CNIH3: variants seen among roughly 807,000 people sequenced by gnomAD.
The protein encoded by CNIH3 is cornichon family AMPA receptor auxiliary protein 3.
CNIH3 carries 14 observed loss-of-function variants against 24.1 expected under a neutral mutation model. That is an observed-to-expected ratio of 0.58 (90% CI 0.38 to 0.91). CNIH3 has a LOEUF of 0.91. Ranked by LOEUF, CNIH3 falls within the 40% of genes least tolerant of loss-of-function variation. CNIH3 has a pLI of 0.00. For synonymous variants in CNIH3, 68 were observed against 73.8 expected, an observed-to-expected ratio of 0.92 and a Z score of 0.40; for missense variants, 178 against 196.8, an observed-to-expected ratio of 0.90 and a Z score of 0.57.
At chr1:224,698,372 A>G (rs942465450) in intron 3 of CNIH3, among the ~76,000 whole-genome samples, 1 of 152,232 alleles carries the variant, frequency 6.6e-6, no homozygotes, top group Non-Finnish European at 1.5e-5. Context: ...ACACGCAGCA[A>G]GAACAGCTCT....
At chr1:224,511,395 C>T (rs1045303803), upstream of CNIH3, among the ~76,000 whole-genome samples, 4 of 152,222 alleles carry the variant, frequency 2.6e-5, no homozygotes, top group African/African-American at 9.7e-5. Flanking sequence ...ACAAAAGCCA[C>T]TATGTAAATA....
At chr1:224,695,452 G>A (rs931817000) in intron 3 of CNIH3, among the ~76,000 whole-genome samples, 3 of 151,860 alleles carry the variant, frequency 2.0e-5, no homozygotes, top group Non-Finnish European at 4.4e-5. Flanking sequence ...CTCAATTCTG[G>A]TAAGTTCAGG....
chr1:224,462,246 G>A (rs1396474019), intron 1 of CNIH3, among the ~76,000 whole-genome samples: 1 of 152,116 alleles, frequency 6.6e-6, no homozygotes, highest in Admixed American at 6.5e-5. Context: ...TACATTCTAT[G>A]GGTTTGGACA....
intron 1 of CNIH3, among the ~76,000 whole-genome samples, chr1:224,657,717 A>G (rs940036527): frequency 2.6e-5 from 4 of 152,152 alleles, no homozygotes; most frequent in African/African-American, 9.7e-5. Context: ...CACAATCTCC[A>G]AAGTTGTCAG....
In CNIH3 at chr1:224,704,212, C is replaced by T. The variant is rs1046366658; in HGVS notation, c.198+19369C>T. 1.3e-5 allele frequency among the ~76,000 whole-genome samples: 2 copies of T among 151,528 alleles called. No individual in the cohort carries two copies. The highest frequency in any genetic ancestry group is 1.3e-4 in the Admixed American group (2 of 15,256). On this transcript the variant is annotated intron_variant, in intron 3 of 5. Coordinates refer to ENST00000272133, the MANE Select transcript of CNIH3 (RefSeq NM_152495.2). The surrounding 1 kb of genome is among the most constrained non-coding windows in gnomAD (Gnocchi z 4.2). ...AGGACCTCCATGAGTCTCAGGTCAT[C>T]AAAGAGGAGTGGAGACACAGCCCCT...
At chr1:224,517,688 T>G (rs1678451872) in intron 1 of CNIH3, among the ~76,000 whole-genome samples, 1 of 150,680 alleles carries the variant, frequency 6.6e-6, no homozygotes, top group African/African-American at 2.4e-5. Flanking sequence ...CTTTGCGTCC[T>G]TATAGCTTAA....
At chr1:224,670,496 G>C (rs1404798847) in intron 1 of CNIH3, among the ~76,000 whole-genome samples, 3 of 152,192 alleles carry the variant, frequency 2.0e-5, no homozygotes, top group African/African-American at 4.8e-5. Flanking sequence ...CCCCACTCAT[G>C]ATGAGGGTGG....
At chr1:224,730,939 A>G (rs903040845) in intron 4 of CNIH3, among the ~76,000 whole-genome samples, 1 of 152,244 alleles carries the variant, frequency 6.6e-6, no homozygotes, top group African/African-American at 2.4e-5. Flanking sequence ...AAAAGAAATG[A>G]AGTACTGATA....
chr1:224,677,988 G>A (rs188764859), intron 1 of CNIH3, among the ~76,000 whole-genome samples: 1 of 152,296 alleles, frequency 6.6e-6, no homozygotes, highest in East Asian at 1.9e-4. Context: ...ACCGATGTCA[G>A]CCTTACAGGA....
chr1:224,595,672 G>C (rs1681948392), intron 3 of CNIH3, among the ~76,000 whole-genome samples: 1 of 152,190 alleles, frequency 6.6e-6, no homozygotes, highest in South Asian at 2.1e-4. Context: ...CAAAAGCTAG[G>C]CCTCTTGTCA....
At chr1:224,497,394 T>C (rs1429675600) in intron 1 of CNIH3, among the ~76,000 whole-genome samples, 1 of 152,210 alleles carries the variant, frequency 6.6e-6, no homozygotes, top group Non-Finnish European at 1.5e-5. Flanking sequence ...ATGATAGATT[T>C]TATGTTATGT....
At chr1:224,436,301 A>G (rs1674663846) in intron 1 of CNIH3, among the ~76,000 whole-genome samples, 2 of 152,214 alleles carry the variant, frequency 1.3e-5, no homozygotes, top group South Asian at 4.1e-4. Flanking sequence ...ACACCCTCAG[A>G]GAGCCCTGTT....
chr1:224,653,965 C>G (rs55744530), intron 1 of CNIH3, among the ~76,000 whole-genome samples: 26,749 of 152,054 alleles, frequency 0.18, 2,512 homozygotes, highest in African/African-American at 0.23. Flanking sequence ...CTACCACACC[C>G]AGCTACTGGG....
At chr1:224,455,789 T>C (rs1037653882) in intron 1 of CNIH3, among the ~76,000 whole-genome samples, 1 of 152,234 alleles carries the variant, frequency 6.6e-6, no homozygotes, top group Non-Finnish European at 1.5e-5. Context: ...CAACAGTTAC[T>C]ATATCAGTCA....
intron 1 of CNIH3, among the ~76,000 whole-genome samples, chr1:224,454,524 G>A (rs1208965216): frequency 2.0e-5 from 3 of 152,068 alleles, no homozygotes; most frequent in Non-Finnish European, 2.9e-5. Flanking sequence ...CTGTAGTTTC[G>A]ACAGGCACAG....
chr1:224,512,822 C>T (rs952424055), upstream of CNIH3, among the ~76,000 whole-genome samples: 1 of 151,854 alleles, frequency 6.6e-6, no homozygotes. Context: ...TGTAGTTTAT[C>T]TTCCCACGTG....
At chr1:224,718,065 C>A (rs1688518617) in intron 3 of CNIH3, among the ~76,000 whole-genome samples, 1 of 152,104 alleles carries the variant, frequency 6.6e-6, no homozygotes, top group African/African-American at 2.4e-5. Context: ...GGGGTAAAGT[C>A]ATGAAAAAGA....
intron 1 of CNIH3, among the ~76,000 whole-genome samples, chr1:224,672,260 T>C (rs1211737587): frequency 6.6e-6 from 1 of 152,106 alleles, no homozygotes; most frequent in African/African-American, 2.4e-5. Flanking sequence ...TGGGGAGGTG[T>C]ATATTTTGGG....
At chr1:224,688,499 T>C (rs974927753) in intron 3 of CNIH3, among the ~76,000 whole-genome samples, 1 of 152,052 alleles carries the variant, frequency 6.6e-6, no homozygotes, top group Non-Finnish European at 1.5e-5. Context: ...GGTGAGTATT[T>C]ACTAAGTAAG....
Sources: allele counts gnomAD v4.1 joint callset (sites outside exome capture counted in the v4.1 genomes callset), GRCh38; gene constraint gnomAD v4.1.1; non-coding constraint Gnocchi (gnomAD v3.1); transcripts MANE v1.5; gene names NCBI Gene and HGNC (gene_info 2026-07-23, HGNC 2026-07-21).